The following IQCJ variants were observed in gnomAD, a reference collection of about 807,000 sequenced individuals.
IQCJ encodes IQ domain-containing protein J.
Under a neutral mutation model 11.0 loss-of-function variants are expected in IQCJ, and 9 were observed. The ratio of observed to expected loss-of-function variants is 0.82; its 90% CI spans 0.49 to 1.43. The LOEUF (loss-of-function observed/expected upper bound fraction) is 1.43, where lower values mean the gene tolerates loss of function less well. Among genes scored for constraint, IQCJ ranks in the 40% most tolerant of loss-of-function variants. The probability of loss-of-function intolerance (pLI) is 0.00; values close to 1 mark genes in which losing one functional copy is unlikely to be tolerated. For synonymous variants in IQCJ, 55 were observed against 51.3 expected, an observed-to-expected ratio of 1.07 and a Z score of -0.31; for missense variants, 146 against 133.2, an observed-to-expected ratio of 1.10 and a Z score of -0.47.
chr3:159,163,405 G>A (rs917370406), intron 1 of IQCJ, among the ~76,000 whole-genome samples: 2 of 152,204 alleles, frequency 1.3e-5, no homozygotes, highest in African/African-American at 4.8e-5. Flanking sequence ...AATAAATTAG[G>A]TATTGATGGG....
chr3:159,073,361 T>C (rs993371793), intron 1 of IQCJ, among the ~76,000 whole-genome samples: 5 of 152,044 alleles, frequency 3.3e-5, no homozygotes, highest in Admixed American at 6.6e-5. Context: ...CAAGGTGATA[T>C]CTCTACAAAA....
chr3:159,079,145 A>G (rs1239827625), intron 1 of IQCJ, among the ~76,000 whole-genome samples: 1 of 152,100 alleles, frequency 6.6e-6, no homozygotes, highest in Non-Finnish European at 1.5e-5. Context: ...GAACCAACTA[A>G]GCATGGGCAG....
intron 1 of IQCJ, among the ~76,000 whole-genome samples, chr3:159,184,649 A>T (rs1477606626): frequency 1.3e-5 from 2 of 152,220 alleles, no homozygotes; most frequent in Non-Finnish European, 2.9e-5. Flanking sequence ...CACATTTCTT[A>T]CATGTCTACT....
downstream of IQCJ, chr3:159,265,944 T>C (rs557156834): frequency 1.3e-5 from 2 of 152,470 alleles, no homozygotes; most frequent in South Asian, 4.1e-4. Flanking sequence ...GCTCTGATTG[T>C]TTTGGCTAGG....
chr3:159,244,586 T>C (rs780560151), intron 1 of IQCJ, among the ~76,000 whole-genome samples: 24 of 152,186 alleles, frequency 1.6e-4, no homozygotes, highest in Non-Finnish European at 3.4e-4. Flanking sequence ...CATAGTTTAG[T>C]TAGAACAACA....
chr3:159,260,345 G>C lies in IQCJ; in HGVS notation c.156-2203G>C, dbSNP rs556067890. On this transcript the variant is annotated intron_variant, in intron 3 of 3. Coordinates refer to ENST00000397832, the MANE Select transcript of IQCJ (RefSeq NM_001042706.3). ...CTGAATAATGAAGACGATTTAAAGG[G>C]AAAAAAGGACAGTGTAGAATACCTC... 5.3e-5 allele frequency among the ~76,000 whole-genome samples: 8 copies of C among 152,160 alleles called. No individual in the cohort carries two copies. The South Asian group carries it at 1.7e-3, about 32-fold the overall frequency.
chr3:159,200,104 A>ATATATATATATATATATATATATATATAT (rs1724232754), intron 1 of IQCJ, among the ~76,000 whole-genome samples: 7 of 116,938 alleles, frequency 6.0e-5, no homozygotes, highest in South Asian at 6.5e-4. Context: ...TTTATACATA[A>ATATATATATATATATATATATATATATAT]ATATATATAT....
At chr3:159,116,484 G>A (rs1719006774) in intron 1 of IQCJ, among the ~76,000 whole-genome samples, 2 of 151,320 alleles carry the variant, frequency 1.3e-5, no homozygotes, top group South Asian at 4.2e-4. Context: ...AAGTTAGTCT[G>A]TTACCCTTTG....
chr3:159,258,324 A>G (rs1257983943), intron 3 of IQCJ, among the ~76,000 whole-genome samples: 1 of 152,184 alleles, frequency 6.6e-6, no homozygotes, highest in South Asian at 2.1e-4. Context: ...CCATGTGTGC[A>G]TCTCCAAACT....
intron 1 of IQCJ, among the ~76,000 whole-genome samples, chr3:159,080,315 TA>T (rs1716223834): frequency 6.6e-6 from 1 of 152,092 alleles, no homozygotes; most frequent in Non-Finnish European, 1.5e-5. Context: ...ATACCCTTTT[TA>T]AGGTGTGAGA....
At chr3:159,089,535 TC>T (rs1472291237) in intron 1 of IQCJ, among the ~76,000 whole-genome samples, 1 of 151,914 alleles carries the variant, frequency 6.6e-6, no homozygotes, top group Admixed American at 6.5e-5. Context: ...GGTTCCATTC[TC>T]CCCGTCACTT....
intron 1 of IQCJ, among the ~76,000 whole-genome samples, chr3:159,164,310 T>C (rs967094858): frequency 7.9e-5 from 12 of 152,202 alleles, no homozygotes; most frequent in African/African-American, 2.7e-4. Context: ...CAGTACTAGG[T>C]ATGTACAAAT....
At chr3:159,207,801 G>T (rs1040933007) in intron 1 of IQCJ, among the ~76,000 whole-genome samples, 1 of 152,064 alleles carries the variant, frequency 6.6e-6, no homozygotes, top group African/African-American at 2.4e-5. Context: ...TGTTGGGAGG[G>T]GTAATAACGA....
chr3:159,080,135 AAC>A (rs10602181), intron 1 of IQCJ, among the ~76,000 whole-genome samples: 7,323 of 152,188 alleles, frequency 0.048, 548 homozygotes, highest in African/African-American at 0.17. Context: ...TTATAATCCA[AAC>A]ACAATATATC....
At chr3:159,250,024 T>C (rs1033983378) in intron 2 of IQCJ, among the ~76,000 whole-genome samples, 1 of 152,226 alleles carries the variant, frequency 6.6e-6, no homozygotes, top group Admixed American at 6.5e-5. Context: ...TTTAGGAAAA[T>C]CACTTATTAA....
At chr3:159,079,141 A>C (rs1311988952) in intron 1 of IQCJ, among the ~76,000 whole-genome samples, 1 of 152,098 alleles carries the variant, frequency 6.6e-6, no homozygotes, top group Non-Finnish European at 1.5e-5. Flanking sequence ...CAAAGAACCA[A>C]CTAAGCATGG....
intron 3 of IQCJ, among the ~76,000 whole-genome samples, chr3:159,253,681 G>A (rs570752623): frequency 1.3e-5 from 2 of 151,546 alleles, no homozygotes; most frequent in African/African-American, 4.8e-5. Context: ...GAATTTAAAC[G>A]AGAATGTTAA....
chr3:159,231,629 A>G (rs1463888965), intron 1 of IQCJ, among the ~76,000 whole-genome samples: 2 of 152,100 alleles, frequency 1.3e-5, no homozygotes, highest in Non-Finnish European at 2.9e-5. Context: ...TGGTATCAGG[A>G]TGATGCTGGC....
intron 1 of IQCJ, among the ~76,000 whole-genome samples, chr3:159,103,255 A>G (rs1718043467): frequency 6.6e-6 from 1 of 152,218 alleles, no homozygotes; most frequent in South Asian, 2.1e-4. Flanking sequence ...CAATATTTGT[A>G]TATTTGCAGG....
Sources: gnomAD v4.1 joint callset for allele counts (sites outside exome capture counted in the v4.1 genomes callset) on GRCh38, gnomAD v4.1.1 for gene constraint, MANE v1.5 for transcripts, NCBI Gene and HGNC (gene_info 2026-07-23, HGNC 2026-07-21) for gene names.